ERC1: variants seen among roughly 807,000 people sequenced by gnomAD.
ERC1 encodes ELKS/RAB6-interacting/CAST family member 1, also known as RAB6 interacting protein 2.
In ERC1, 56 loss-of-function variants were observed where a neutral mutation model predicts 132.0. That is an observed-to-expected ratio of 0.42 (90% CI 0.34 to 0.53). ERC1 has a LOEUF of 0.53. ERC1 is among the 20% of genes least tolerant of loss of function. The pLI is 0.03. For missense variants in ERC1, 1,202 were observed against 1,349.9 expected, an observed-to-expected ratio of 0.89 and a Z score of 1.72; for synonymous variants, 478 against 476.1, an observed-to-expected ratio of 1.00 and a Z score of -0.05.
intron 1 of ERC1, among the ~76,000 whole-genome samples, chr12:1,027,066 G>A (rs947835752): frequency 1.3e-5 from 2 of 152,106 alleles, no homozygotes; most frequent in African/African-American, 4.8e-5. Flanking sequence ...ATGTCTTTCA[G>A]TAAAATGTTA....
intron 7 of ERC1, among the ~76,000 whole-genome samples, chr12:1,123,278 A>G (rs571767810): frequency 1.1e-4 from 16 of 152,294 alleles, no homozygotes; most frequent in African/African-American, 3.1e-4. Context: ...AGTAAAACCC[A>G]GTTTACCCAG....
At chr12:1,197,310 T>C (rs1956426823) in intron 12 of ERC1, among the ~76,000 whole-genome samples, 1 of 152,184 alleles carries the variant, frequency 6.6e-6, no homozygotes, top group Non-Finnish European at 1.5e-5. Flanking sequence ...TGTTTGAGGT[T>C]AAACAACTGG....
At chr12:1,240,683 G>C (rs1283050046) in intron 13 of ERC1, among the ~76,000 whole-genome samples, 1 of 151,948 alleles carries the variant, frequency 6.6e-6, no homozygotes, top group African/African-American at 2.4e-5. Context: ...TTAAACTGAA[G>C]GTCATATAGC....
intron 15 of ERC1, among the ~76,000 whole-genome samples, chr12:1,364,316 C>T (rs574564052): frequency 6.6e-6 from 1 of 152,244 alleles, no homozygotes; most frequent in East Asian, 1.9e-4. Context: ...ACCTTCAACT[C>T]AGTCTTTCTA....
chr12:1,449,659 G>A (rs1408838656), intron 18 of ERC1, among the ~76,000 whole-genome samples: 4 of 152,078 alleles, frequency 2.6e-5, no homozygotes, highest in African/African-American at 4.8e-5. Flanking sequence ...TCATAGCAGC[G>A]TGAGAATGGG....
chr12:1,007,240 C>T (rs895916688), intron 1 of ERC1, among the ~76,000 whole-genome samples: 38 of 152,230 alleles, frequency 2.5e-4, no homozygotes, highest in Middle Eastern at 3.4e-3. Flanking sequence ...TAAAATCTGA[C>T]TTTTACCTTG....
intron 7 of ERC1, among the ~76,000 whole-genome samples, chr12:1,122,201 CTGTG>C (rs1302452670): frequency 1.6e-5 from 1 of 61,554 alleles, no homozygotes; most frequent in Non-Finnish European, 3.4e-5. Context: ...CTATCTCTAT[CTGTG>C]TCTCTATCTC....
At chr12:1,204,396 C>A in intron 12 of ERC1, 1 of 934,198 alleles carries the variant, frequency 1.1e-6, no homozygotes, top group Admixed American at 2.1e-5. Context: ...TTCTCTAATC[C>A]TGCATTTTAT....
intron 13 of ERC1, among the ~76,000 whole-genome samples, chr12:1,262,820 A>G (rs1181608340): frequency 1.3e-5 from 2 of 152,168 alleles, no homozygotes; most frequent in African/African-American, 2.4e-5. Context: ...TTGCTTAACT[A>G]ACTTGAGCCT....
At chr12:1,091,712 A>G (rs751426104) in intron 3 of ERC1, among the ~76,000 whole-genome samples, 15 of 152,218 alleles carry the variant, frequency 9.9e-5, no homozygotes, top group Non-Finnish European at 5.9e-5. Flanking sequence ...CCGTTGAATC[A>G]AGGGAGTGAC....
At chr12:1,061,174 AGTT>A (rs1401818483) in intron 2 of ERC1, among the ~76,000 whole-genome samples, 5 of 152,154 alleles carry the variant, frequency 3.3e-5, no homozygotes, top group African/African-American at 1.2e-4. Flanking sequence ...GTTGGTGTAT[AGTT>A]GTTCATAATG....
intron 8 of ERC1, among the ~76,000 whole-genome samples, chr12:1,151,592 A>G (rs1259208707): frequency 1.3e-5 from 2 of 152,172 alleles, no homozygotes; most frequent in African/African-American, 4.8e-5. Context: ...GTTTATACAA[A>G]TCTTAGGTAC....
In ERC1 at chr12:1,273,103, T is replaced by G. The variant is rs1379886805; in HGVS notation, c.2619+9938T>G. On this transcript the variant is annotated intron_variant, in intron 14 of 18. Coordinates refer to ENST00000360905, the MANE Select transcript of ERC1 (RefSeq NM_178040.4). ...AGGGAGGGAGGGGAAAAATACTTTC[T>G]TAGCATTATTTGAAACTAAGCATTG... Among the ~76,000 whole-genome samples the G allele has an allele frequency of 3.3e-5, 5 of 152,276 alleles. No homozygotes were observed. The East Asian group carries it at 7.7e-4, about 23-fold the overall frequency.
At chr12:1,058,194 A>G (rs1180121710) in intron 2 of ERC1, among the ~76,000 whole-genome samples, 1 of 152,104 alleles carries the variant, frequency 6.6e-6, no homozygotes, top group African/African-American at 2.4e-5. Flanking sequence ...AGTTTGTTAT[A>G]GTCCCATTTG....
rs559411890 is a variant in ERC1 at position 1,247,714 on chromosome 12, A to C, written c.2487+10810A>C. On this transcript the variant is annotated intron_variant, in intron 13 of 18. Coordinates refer to ENST00000360905, the MANE Select transcript of ERC1 (RefSeq NM_178040.4). Reference sequence around the variant, plus strand: ...AGTTTAATTAGGAATGTAGCTGATCAGGCCGGGCACGGTGGCTCATGCCTG... The same window carrying C: ...AGTTTAATTAGGAATGTAGCTGATCCGGCCGGGCACGGTGGCTCATGCCTG... 1.2e-4 allele frequency among the ~76,000 whole-genome samples: 19 copies of C among 152,336 alleles called. 1 individual carries two copies. The South Asian group carries it at 3.9e-3, about 32-fold the overall frequency.
intron 3 of ERC1, among the ~76,000 whole-genome samples, chr12:1,093,487 C>A (rs1277624155): frequency 1.3e-5 from 2 of 152,278 alleles, no homozygotes; most frequent in East Asian, 3.9e-4. Flanking sequence ...CCTAAGTTGG[C>A]TGTGGAATTT....
chr12:1,284,706 T>C lies in ERC1; in HGVS notation c.2620-5146T>C, dbSNP rs548616990. On this transcript the variant is annotated intron_variant, in intron 14 of 18. Coordinates refer to ENST00000360905, the MANE Select transcript of ERC1 (RefSeq NM_178040.4). The stretch of plus-strand genomic sequence containing the variant: ...TTGAGGGAGAGACAGTGTCTTGTTC[T>C]GTTACCCAGGCTGGAGCGCAGTGGT... 1.6e-4 allele frequency among the ~76,000 whole-genome samples: 24 copies of C among 152,298 alleles called. No homozygotes were observed. In the South Asian group the frequency reaches 2.9e-3, roughly 18 times the overall value.
intron 8 of ERC1, among the ~76,000 whole-genome samples, chr12:1,154,189 A>G (rs943799033): frequency 7.6e-5 from 11 of 145,086 alleles, no homozygotes; most frequent in African/African-American, 2.8e-4. Flanking sequence ...TTCATGGCCG[A>G]GTAGTATTCC....
intron 8 of ERC1, among the ~76,000 whole-genome samples, chr12:1,178,085 A>G (rs1000029342): frequency 3.3e-5 from 5 of 152,208 alleles, no homozygotes; most frequent in Admixed American, 6.5e-5. Flanking sequence ...CTCTTTGTTA[A>G]CAAGTGAAAA....
Sources: allele counts gnomAD v4.1 joint callset (sites outside exome capture counted in the v4.1 genomes callset), GRCh38; gene constraint gnomAD v4.1.1; transcripts MANE v1.5; gene names NCBI Gene and HGNC (gene_info 2026-07-23, HGNC 2026-07-21).